Variants in KIF13A observed in about 807,000 individuals in gnomAD.
KIF13A encodes the protein kinesin-like protein KIF13A.
Under a neutral mutation model 212.2 loss-of-function variants are expected in KIF13A, and 79 were observed. The ratio of observed to expected loss-of-function variants is 0.37; its 90% CI spans 0.31 to 0.45. The LOEUF is 0.45. Ranked by LOEUF, KIF13A falls within the 20% of genes least tolerant of loss-of-function variation. KIF13A has a pLI of 1.00. For synonymous variants in KIF13A, 789 were observed against 808.6 expected (o/e 0.98, Z 0.41); for missense variants, 1,901 against 2,209.0 (o/e 0.86, Z 2.79).
At chr6:17,973,772 C>A (rs1024970505) in intron 2 of KIF13A, among the ~76,000 whole-genome samples, 5 of 152,192 alleles carry the variant, frequency 3.3e-5, no homozygotes, top group African/African-American at 1.2e-4. Context: ...GTTCACTGTG[C>A]CATGCTGCTG....
In KIF13A at chr6:17,777,163, G is replaced by T; in HGVS notation, c.4170+114C>A. 1 of 784,378 alleles carries T rather than the reference G, an allele frequency of 1.3e-6. No homozygotes were observed. The highest frequency in any genetic ancestry group is 1.5e-5 in the South Asian group (1 of 66,820). 48.6% of individuals were successfully genotyped at this position (784,378 alleles called of 1,614,324 possible). On this transcript the variant is annotated intron_variant, in intron 34 of 38. Coordinates refer to ENST00000259711, the MANE Select transcript of KIF13A (RefSeq NM_022113.6). The surrounding 1 kb of genome is among the most constrained non-coding windows in gnomAD (Gnocchi z 4.4). Reference sequence around the variant, plus strand: ...GTACAGAGAAGCAGGCTACACTTTGGGATGCCCACACCAGTTCCATAAGCT... The same window carrying T: ...GTACAGAGAAGCAGGCTACACTTTGTGATGCCCACACCAGTTCCATAAGCT...
intron 2 of KIF13A, among the ~76,000 whole-genome samples, chr6:17,980,040 A>T (rs891472432): frequency 5.9e-5 from 9 of 151,614 alleles, no homozygotes; most frequent in African/African-American, 1.7e-4. Flanking sequence ...TAATTCAATA[A>T]TTTTTTTTTC....
At chr6:17,819,506 G>T (rs570567943) in intron 16 of KIF13A, among the ~76,000 whole-genome samples, 5 of 152,032 alleles carry the variant, frequency 3.3e-5, no homozygotes, top group African/African-American at 1.2e-4. Flanking sequence ...AGGTTGTAGT[G>T]AGCTGAGATC....
chr6:17,924,980 T>C (rs565163812), intron 2 of KIF13A, among the ~76,000 whole-genome samples: 1 of 152,186 alleles, frequency 6.6e-6, no homozygotes, highest in South Asian at 2.1e-4. Flanking sequence ...CAGATGGATA[T>C]AGTCCTAAGA....
chr6:17,831,170 A>T lies in KIF13A; in HGVS notation c.1332T>A (p.Asp444Glu), dbSNP rs146614687. Residue 444 changes from aspartate to glutamate, a missense_variant, in exon 13 of 39, where the codon GAT becomes GAA. Physicochemically the swap from Asp to Glu is conservative, Grantham distance 45. Transcript: ENST00000259711. ...SLEMSGIKVG[D>E]DKCYLVNLNA... Reference sequence around the variant, plus strand: ...TCAGATTGACTAAGTAGCATTTGTCATCCCCCACCTTGATACCGGACATCT... The same window carrying T: ...TCAGATTGACTAAGTAGCATTTGTCTTCCCCCACCTTGATACCGGACATCT... The T allele has an allele frequency of 2.0e-4, 329 of 1,613,960 alleles. No individual in the cohort carries two copies. The highest frequency in any genetic ancestry group is 2.6e-4 in the Non-Finnish European group (306 of 1,179,838).
rs1377077751 is a variant in KIF13A at position 17,839,664 on chromosome 6, C to A, written c.831-2081G>T. ...TGTAATCAGTTAAGATGAGATCATA[C>A]TGGATTAGGGAGGGCCCTAATCTAA... On this transcript the variant is annotated intron_variant, in intron 9 of 38. Transcript: ENST00000259711. The surrounding 1 kb of genome is among the most constrained non-coding windows in gnomAD (Gnocchi z 4.3). Among the ~76,000 whole-genome samples, 1 of 152,110 alleles carries A rather than the reference C, an allele frequency of 6.6e-6. No individual in the cohort carries two copies. The highest frequency in any genetic ancestry group is 1.5e-5 in the Non-Finnish European group (1 of 68,008).
intron 16 of KIF13A, among the ~76,000 whole-genome samples, chr6:17,818,371 T>C (rs577004993): frequency 1.7e-4 from 26 of 152,270 alleles, no homozygotes; most frequent in African/African-American, 6.0e-4. Context: ...TATTGACTGG[T>C]TTTTCCAAGA....
At chr6:17,890,830 T>C (rs1001889925) in intron 3 of KIF13A, among the ~76,000 whole-genome samples, 3 of 150,986 alleles carry the variant, frequency 2.0e-5, no homozygotes, top group Non-Finnish European at 4.4e-5. Flanking sequence ...TTATTATTAC[T>C]ATTGTTATTG....
intron 2 of KIF13A, among the ~76,000 whole-genome samples, chr6:17,923,824 T>G (rs569406911): frequency 1.3e-5 from 2 of 152,302 alleles, no homozygotes; most frequent in African/African-American, 4.8e-5. Context: ...CATCTTCATT[T>G]CTTATCTCAG....
chr6:17,864,434 C>G (rs2150419534), intron 4 of KIF13A, among the ~76,000 whole-genome samples: 1 of 152,284 alleles, frequency 6.6e-6, no homozygotes, highest in South Asian at 2.1e-4. Context: ...TATGGAATTT[C>G]TACAAGCAAA....
Position 17,837,724 on chromosome 6 carries a change from G to GATGA in KIF13A, c.831-145_831-142dup. 1.6e-6 allele frequency: 1 copy of GATGA among 610,832 alleles called. No homozygotes were observed. The highest frequency in any genetic ancestry group is 2.9e-6 in the Non-Finnish European group (1 of 348,424). The allele number at this position is 610,832 out of a possible 1,614,324, so 37.8% of individuals were successfully genotyped here. A position where few individuals can be genotyped will look rare whatever the true frequency, so the allele number is the denominator to read the frequency against. On this transcript the variant is annotated intron_variant, in intron 9 of 38. Transcript: ENST00000259711. The surrounding 1 kb of genome is among the most constrained non-coding windows in gnomAD (Gnocchi z 5.4). ...CCCAGCACTTTGGGAGGCCAAGGTG[G>GATGA]ATGAATCACTTGAGGCCAGGGGTTT...
rs781501503 is a variant in KIF13A at position 17,826,320 on chromosome 6, C to T, written c.1533-196G>A. On this transcript the variant is annotated intron_variant, in intron 14 of 38. Transcript: ENST00000259711. This position sits in a 1 kb window ranked among gnomAD's most constrained non-coding sequence, Gnocchi z 4.7. ...ATGAGGACCAAGGGCTGCCAACACC[C>T]CTCAGAGAATGACAACCTAACATGA... 7.2e-5 allele frequency among the ~76,000 whole-genome samples: 11 copies of T among 152,186 alleles called. No individual in the cohort carries two copies. The highest frequency in any genetic ancestry group is 1.2e-4 in the Non-Finnish European group (8 of 68,040).
Position 17,856,466 on chromosome 6 carries a change from C to T in KIF13A, c.221-344G>A, listed in dbSNP as rs975868169. Among the ~76,000 whole-genome samples the T allele has an allele frequency of 1.1e-4, 16 of 152,182 alleles. No individual in the cohort carries two copies. Among genetic ancestry groups the T allele is most frequent in the African/African-American group, 3.6e-4 (15 of 41,446 alleles). On this transcript the variant is annotated intron_variant, in intron 4 of 38. Transcript: ENST00000259711. This position sits in a 1 kb window ranked among gnomAD's most constrained non-coding sequence, Gnocchi z 4.5. ...TCATTAAACATGAATTGCCTTATCT[C>T]CCCAGCTAGATTCTGAACTGCCACT...
At chr6:17,931,186 G>A (rs1775950559) in intron 2 of KIF13A, among the ~76,000 whole-genome samples, 2 of 152,154 alleles carry the variant, frequency 1.3e-5, no homozygotes, top group Non-Finnish European at 2.9e-5. Context: ...GTTCTTGGTT[G>A]ACCAGTTTAT....
In KIF13A at chr6:17,826,453, G is replaced by T. The variant is rs889093065; in HGVS notation, c.1533-329C>A. On this transcript the variant is annotated intron_variant, in intron 14 of 38. Coordinates refer to ENST00000259711, the MANE Select transcript of KIF13A (RefSeq NM_022113.6). This position sits in a 1 kb window ranked among gnomAD's most constrained non-coding sequence, Gnocchi z 4.7. ...TAAATGCCAATTTAGGAAATACAGA[G>T]AACAATGGAGGATGTGAAATGATGC... Among the ~76,000 whole-genome samples the T allele has an allele frequency of 2.0e-5, 3 of 152,158 alleles. No individual in the cohort carries two copies. The highest frequency in any genetic ancestry group is 6.5e-5 in the Admixed American group (1 of 15,274).
At chr6:17,803,427 G>A (rs1762646347) in intron 20 of KIF13A, among the ~76,000 whole-genome samples, 1 of 152,030 alleles carries the variant, frequency 6.6e-6, no homozygotes, top group Admixed American at 6.6e-5. Flanking sequence ...CCCCACAACT[G>A]GGAACCCGGG....
intron 17 of KIF13A, among the ~76,000 whole-genome samples, chr6:17,813,879 T>C (rs1257173162): frequency 6.6e-6 from 1 of 152,016 alleles, no homozygotes; most frequent in South Asian, 2.1e-4. Context: ...TTGTGAGGAT[T>C]AGAGGAATAC....
In KIF13A at chr6:17,799,499, G is replaced by A; in HGVS notation, c.2617-60C>T. ...GAACACTAAACATTCTTTCATTTCA[G>A]CTACCTCAAATTTAAGAGTAAGCGA... On this transcript the variant is annotated intron_variant, in intron 21 of 38. Transcript: ENST00000259711. The surrounding 1 kb of genome is among the most constrained non-coding windows in gnomAD (Gnocchi z 4.4). The A allele has an allele frequency of 7.5e-7, 1 of 1,337,454 alleles. No individual in the cohort carries two copies. Among genetic ancestry groups the A allele is most frequent in the Non-Finnish European group, 1.0e-6 (1 of 998,428 alleles). 82.8% of individuals were successfully genotyped at this position (1,337,454 alleles called of 1,614,324 possible).
chr6:17,972,935 A>C, intron 2 of KIF13A, among the ~76,000 whole-genome samples: 1 of 152,156 alleles, frequency 6.6e-6, no homozygotes, highest in East Asian at 1.9e-4. Flanking sequence ...CCAGTTCATC[A>C]AGCCCACAGA....
Sources: gnomAD v4.1 joint callset for allele counts (sites outside exome capture counted in the v4.1 genomes callset) on GRCh38, gnomAD v4.1.1 for gene constraint, Gnocchi (gnomAD v3.1) non-coding constraint, MANE v1.5 for transcripts, NCBI Gene and HGNC (gene_info 2026-07-23, HGNC 2026-07-21) for gene names.